The following MOB1B variants were observed in gnomAD, a reference collection of about 807,000 sequenced individuals.
MOB1B encodes MOB1 Mps One Binder homolog B.
Under a neutral mutation model 24.4 loss-of-function variants are expected in MOB1B, and 19 were observed. The ratio of observed to expected loss-of-function variants is 0.78; its 90% confidence interval spans 0.54 to 1.14. The LOEUF (loss-of-function observed/expected upper bound fraction) is 1.14. MOB1B is among the 50% of genes most tolerant of loss of function. The pLI is 0.00. For missense variants in MOB1B, 243 were observed against 259.6 expected (o/e 0.94, Z 0.44); for synonymous variants, 76 against 82.1 (o/e 0.93, Z 0.40).
chr4:70,916,332 C>T (rs562400513), intron 1 of MOB1B, among the ~76,000 whole-genome samples: 1 of 152,304 alleles, frequency 6.6e-6, no homozygotes, highest in South Asian at 2.1e-4. Context: ...CTTGTCATTT[C>T]AGTTGAAGAG....
intron 1 of MOB1B, among the ~76,000 whole-genome samples, chr4:70,958,425 CA>C (rs1738158863): frequency 6.6e-6 from 1 of 152,198 alleles, no homozygotes; most frequent in Non-Finnish European, 1.5e-5. Flanking sequence ...ACCTCTGCCT[CA>C]AAGTGCTGGG....
At chr4:70,907,458 G>A (rs946879313) in intron 1 of MOB1B, among the ~76,000 whole-genome samples, 5 of 152,130 alleles carry the variant, frequency 3.3e-5, no homozygotes, top group Non-Finnish European at 7.4e-5. Context: ...AAAGACCAAA[G>A]TGTAATTTCC....
intron 1 of MOB1B, among the ~76,000 whole-genome samples, chr4:70,927,397 A>G (rs1248216248): frequency 6.6e-6 from 1 of 151,888 alleles, no homozygotes; most frequent in Non-Finnish European, 1.5e-5. Context: ...ATAATTAGCC[A>G]GGCATGGTGG....
chr4:70,938,085 GTC>G (rs1023349188), intron 1 of MOB1B, among the ~76,000 whole-genome samples: 2 of 151,418 alleles, frequency 1.3e-5, no homozygotes, highest in African/African-American at 4.9e-5. Flanking sequence ...TTTTGGTGTC[GTC>G]TCTCATGTTA....
intron 1 of MOB1B, among the ~76,000 whole-genome samples, chr4:70,952,624 C>T (rs1578382388): frequency 8.2e-6 from 1 of 122,392 alleles, no homozygotes; most frequent in Non-Finnish European, 1.6e-5. Context: ...GCCTGGGCGA[C>T]AGAGCGAGAC....
intron 1 of MOB1B, among the ~76,000 whole-genome samples, chr4:70,907,104 G>A (rs1310072525): frequency 6.6e-6 from 1 of 152,174 alleles, no homozygotes; most frequent in East Asian, 1.9e-4. Context: ...CCTGTGAATT[G>A]TTCACTTCCA....
Position 70,979,138 on chromosome 4 carries a change from C to A in MOB1B, c.420C>A (p.Phe140Leu), listed in dbSNP as rs199526060. The A allele has an allele frequency of 6.2e-7, 1 of 1,613,240 alleles. No homozygotes were observed. The highest frequency in any genetic ancestry group is 2.2e-5 in the East Asian group (1 of 44,844). The change falls in exon 5 of 6, where the codon TTC (phenylalanine) becomes TTA (leucine). Residue 140 changes from phenylalanine (F) to leucine (L), a missense_variant. Phe to Leu is a conservative substitution (Grantham distance 22). Coordinates refer to ENST00000309395, the MANE Select transcript of MOB1B (RefSeq NM_173468.4). ...TTATCTCTTTTCTAGGTGTCCCGTT[C>A]CCAAAGAATTTCATGTCTGTGGCAA... ...TLFPSKIGVP[F>L]PKNFMSVAKT...
In MOB1B at chr4:70,902,432, T is replaced by G; in HGVS notation, c.-105T>G. On this transcript the variant is annotated 5_prime_UTR_variant, in exon 1 of 6. Coordinates refer to ENST00000309395, the MANE Select transcript of MOB1B (RefSeq NM_173468.4). ...GCAGCCGGCTCTCGGCACCTCCTCC[T>G]CCGCCTCCCTGTCTCCTGTTCCATT... The G allele has an allele frequency of 3.9e-6, 5 of 1,295,318 alleles. No individual in the cohort carries two copies. Among genetic ancestry groups the G allele is most frequent in the Non-Finnish European group, 3.3e-6 (3 of 915,396 alleles). The allele number at this position is 1,295,318 out of a possible 1,614,324, so 80.2% of individuals were successfully genotyped here.
In MOB1B at chr4:70,912,524, G is replaced by A. The variant is rs1230541919; in HGVS notation, c.14+9974G>A. Among the ~76,000 whole-genome samples the A allele has an allele frequency of 2.6e-5, 4 of 151,576 alleles. No homozygotes were observed. In the East Asian group the frequency reaches 7.8e-4, roughly 30 times the overall value. On this transcript the variant is annotated intron_variant, in intron 1 of 5. Transcript: ENST00000309395. ...CAACTTTGTCTTCAGGTGATCCACCGGCCTCAGCCTCCTAAAGTGCTGAGA... is the reference window on the plus strand; with the variant it reads ...CAACTTTGTCTTCAGGTGATCCACCAGCCTCAGCCTCCTAAAGTGCTGAGA...
intron 2 of MOB1B, among the ~76,000 whole-genome samples, chr4:70,967,715 AC>A (rs2148898579): frequency 6.6e-6 from 1 of 151,870 alleles, no homozygotes; most frequent in South Asian, 2.1e-4. Context: ...AAAATGAACA[AC>A]AAAAAAAAGG....
intron 1 of MOB1B, among the ~76,000 whole-genome samples, chr4:70,929,720 A>G (rs1578361114): frequency 6.7e-6 from 1 of 149,678 alleles, no homozygotes; most frequent in South Asian, 2.1e-4. Flanking sequence ...ATCTTGGCTC[A>G]CTGCAAGCTC....
Position 70,974,677 on chromosome 4 carries a change from T to A in MOB1B, c.276-476T>A, listed in dbSNP as rs575781711. The stretch of plus-strand genomic sequence containing the variant: ...CAGTTAAATGTACTCAAATATGAAA[T>A]CATTCTCATCTTCATTAATCTTATT... On this transcript the variant is annotated intron_variant, in intron 3 of 5. Coordinates refer to ENST00000309395, the MANE Select transcript of MOB1B (RefSeq NM_173468.4). Among the ~76,000 whole-genome samples the A allele has an allele frequency of 7.1e-4, 108 of 152,328 alleles. 3 individuals carry two copies. The South Asian group carries it at 0.021, about 30-fold the overall frequency.
At chr4:70,910,944 C>T (rs766282744) in intron 1 of MOB1B, among the ~76,000 whole-genome samples, 23 of 152,194 alleles carry the variant, frequency 1.5e-4, no homozygotes, top group Admixed American at 7.2e-4. Flanking sequence ...CCCGCCACCA[C>T]GCCTGGCTAA....
Position 70,969,951 on chromosome 4 carries a change from A to T in MOB1B, c.202A>T (p.Ile68Phe). 6.2e-7 allele frequency: 1 copy of T among 1,604,756 alleles called. No homozygotes were observed. The highest frequency in any genetic ancestry group is 8.5e-7 in the Non-Finnish European group (1 of 1,174,270). The change falls in exon 3 of 6, where the codon ATC becomes TTC. Residue 68 changes from isoleucine (I) to phenylalanine (F), a missense_variant. Ile to Phe is a conservative substitution (Grantham distance 21). Coordinates refer to ENST00000309395, the MANE Select transcript of MOB1B (RefSeq NM_173468.4). ...AVNTVDFFNQ[I>F]NMLYGTITDF... ...TACAGCTGTGGATTTCTTCAATCAG[A>T]TCAACATGCTTTATGGAACTATCAC...
intron 1 of MOB1B, among the ~76,000 whole-genome samples, chr4:70,913,416 C>T (rs1736076174): frequency 6.6e-6 from 1 of 152,034 alleles, no homozygotes; most frequent in Non-Finnish European, 1.5e-5. Flanking sequence ...CCAACCTCAG[C>T]CTCCCAAGTA....
chr4:70,973,861 A>C (rs975045065), intron 3 of MOB1B, among the ~76,000 whole-genome samples: 3 of 152,218 alleles, frequency 2.0e-5, no homozygotes, highest in Non-Finnish European at 2.9e-5. Context: ...TTCTGATTAA[A>C]TAGAAAGCAT....
chr4:70,945,405 G>A (rs1238994989), intron 1 of MOB1B, among the ~76,000 whole-genome samples: 3 of 152,072 alleles, frequency 2.0e-5, no homozygotes, highest in Non-Finnish European at 2.9e-5. Context: ...CTATAGCCTC[G>A]TACTGTAATT....
At chr4:70,902,258 G>A, upstream of MOB1B, 2 of 561,220 alleles carry the variant, frequency 3.6e-6, no homozygotes, top group South Asian at 4.1e-5. Flanking sequence ...AGGTGGGGGC[G>A]GCGGGGAGCT....
chr4:70,983,227 A>T lies in MOB1B; in HGVS notation c.*1170A>T, dbSNP rs1218721209. ...CTTAGCATTTCCATTCAGTGAATGG[A>T]GCTGATGTTTGCCTGTCATTTTAAG... On this transcript the variant is annotated 3_prime_UTR_variant, in exon 6 of 6. Coordinates refer to ENST00000309395, the MANE Select transcript of MOB1B (RefSeq NM_173468.4). 6.6e-6 allele frequency: 1 copy of T among 152,444 alleles called. No individual in the cohort carries two copies. The highest frequency in any genetic ancestry group is 1.5e-5 in the Non-Finnish European group (1 of 67,948). 9.4% of individuals were successfully genotyped at this position (152,444 alleles called of 1,614,324 possible). A position where few individuals can be genotyped will look rare whatever the true frequency, so the allele number is the denominator to read the frequency against.
Sources: allele counts gnomAD v4.1 joint callset (sites outside exome capture counted in the v4.1 genomes callset), GRCh38; gene constraint gnomAD v4.1.1; transcripts MANE v1.5; gene names NCBI Gene and HGNC (gene_info 2026-07-23, HGNC 2026-07-21).